TCF25: variants seen among roughly 807,000 people sequenced by gnomAD.
The protein encoded by TCF25 is TCF25 ribosome quality control complex subunit.
In TCF25, 41 loss-of-function variants were observed where a neutral mutation model predicts 83.1. The ratio of observed to expected loss-of-function variants is 0.49; its 90% CI spans 0.38 to 0.64. The LOEUF (loss-of-function observed/expected upper bound fraction) is 0.64, where lower values mean the gene tolerates loss of function less well. Among genes scored for constraint, TCF25 ranks in the 30% least tolerant of loss-of-function variants. The pLI is 0.00. For synonymous variants in TCF25, 458 were observed against 365.0 expected, an observed-to-expected ratio of 1.25 and a Z score of -2.90; for missense variants, 979 against 914.5, an observed-to-expected ratio of 1.07 and a Z score of -0.91.
intron 1 of TCF25, chr16:89,878,652 G>GT (rs1422457136): frequency 7.4e-6 from 8 of 1,087,270 alleles, no homozygotes; most frequent in Middle Eastern, 2.6e-4. Flanking sequence ...GTTTTGTTTT[G>GT]TTTTTTGAGA....
At chr16:89,894,216 C>G (rs142721339) in intron 7 of TCF25, among the ~76,000 whole-genome samples, 1 of 152,098 alleles carries the variant, frequency 6.6e-6, no homozygotes, top group Non-Finnish European at 1.5e-5. Context: ...TTCCCGGCCC[C>G]CGTGCAGCCC....
chr16:89,878,462 A>G (rs2042358601), intron 1 of TCF25: 2 of 1,178,468 alleles, frequency 1.7e-6, no homozygotes, highest in Non-Finnish European at 2.2e-6. Flanking sequence ...TTTTTTTAGG[A>G]AAAATGGACA....
At chr16:89,897,544 T>G (rs2043957978) in intron 9 of TCF25, among the ~76,000 whole-genome samples, 1 of 152,254 alleles carries the variant, frequency 6.6e-6, no homozygotes, top group Non-Finnish European at 1.5e-5. Flanking sequence ...GGTCTGAATT[T>G]CCTCCACTGG....
At chr16:89,908,234 G>T (rs200306572) in intron 16 of TCF25, among the ~76,000 whole-genome samples, 1 of 60,640 alleles carries the variant, frequency 1.6e-5, no homozygotes, top group Non-Finnish European at 3.1e-5. Flanking sequence ...CCTCCTCTCA[G>T]TTCCCACCTC....
At chr16:89,911,042 C>T (rs2045511483) in intron 17 of TCF25, 38 bp from the exon 18 acceptor site, 1 of 1,606,484 alleles carries the variant, frequency 6.2e-7, no homozygotes, top group Non-Finnish European at 8.5e-7. Context: ...AGTCCCAGCA[C>T]AGACAGCCCC....
At chr16:89,898,211 G>A (rs2044017662) in intron 9 of TCF25, among the ~76,000 whole-genome samples, 1 of 152,238 alleles carries the variant, frequency 6.6e-6, no homozygotes, top group Admixed American at 6.5e-5. Flanking sequence ...TCCAGACATG[G>A]ATCTCTGTGT....
intron 14 of TCF25, 63 bp downstream of exon 14, chr16:89,905,159 C>T (rs2044673351): frequency 1.8e-5 from 26 of 1,478,890 alleles, no homozygotes; most frequent in South Asian, 2.8e-5. Flanking sequence ...ATCCCAGACA[C>T]GGGGGCCTCG....
rs2045265654 is a variant in TCF25 at position 89,908,695 on chromosome 16, G to GCAGTTCCCA, written c.1799+1374_1799+1375insAGTTCCCAC. 3.2e-3 allele frequency among the ~76,000 whole-genome samples: 15 copies of GCAGTTCCCA among 4,760 alleles called. 1 individual carries two copies. The highest frequency in any genetic ancestry group is 8.0e-3 in the Admixed American group (3 of 374). The allele number at this position is 4,760 out of a possible 152,430, so 3.1% of individuals were successfully genotyped here. On this transcript the variant is annotated intron_variant, in intron 16 of 17. Transcript: ENST00000263346. ...TCCCTCCTCCCAGCTCCCACCTCCC[G>GCAGTTCCCA]CCTCCCAGCTCCCACCTCCCGGCTC...
chr16:89,900,860 C>T (rs951177884), intron 12 of TCF25, 66 bp downstream of exon 12: 4 of 1,436,442 alleles, frequency 2.8e-6, no homozygotes, highest in Admixed American at 2.1e-5. Flanking sequence ...GCTGCTCTTC[C>T]TGGTGGTGGA....
intron 9 of TCF25, among the ~76,000 whole-genome samples, chr16:89,897,647 A>G (rs187367442): frequency 6.6e-5 from 10 of 152,374 alleles, no homozygotes; most frequent in African/African-American, 9.6e-5. Flanking sequence ...CGAAAGAGAC[A>G]GTGGGCTGTT....
At chr16:89,900,867 T>C in intron 12 of TCF25, 73 bp downstream of exon 12, 1 of 1,412,300 alleles carries the variant, frequency 7.1e-7, no homozygotes, top group Non-Finnish European at 9.4e-7. Flanking sequence ...TTCCTGGTGG[T>C]GGAGGCCAGG....
At chr16:89,895,219 CAG>C (rs1335643376) in intron 8 of TCF25, 82 bp downstream of exon 8, 6 of 1,248,380 alleles carry the variant, frequency 4.8e-6, no homozygotes, top group East Asian at 2.5e-5. Context: ...TGTAAGATGA[CAG>C]GGGTTGCCAG....
Position 89,898,812 on chromosome 16 carries a change from C to T in TCF25, c.1161C>T (p.Asp387=). Residue 387 remains aspartate, a synonymous_variant, in exon 11 of 18, where the codon GAC becomes GAT. Transcript: ENST00000263346. The part of the protein sequence containing the change: ...EDPLCMLLLI[D]HLALRARNYE... ...CCCTCTGCATGCTGCTGCTCATCGA[C>T]CACCTGGCCTTGCGGGCCCGGAACT... The T allele has an allele frequency of 6.2e-7, 1 of 1,613,952 alleles. No homozygotes were observed. Among genetic ancestry groups the T allele is most frequent in the Non-Finnish European group, 8.5e-7 (1 of 1,180,044 alleles).
chr16:89,880,370 G>A (rs2042519314), intron 1 of TCF25, among the ~76,000 whole-genome samples: 1 of 152,220 alleles, frequency 6.6e-6, no homozygotes, highest in Non-Finnish European at 1.5e-5. Context: ...GATCACCTGA[G>A]GTCAGGAGTT....
intron 1 of TCF25, among the ~76,000 whole-genome samples, chr16:89,875,820 C>CTTTTTTTTTTTTTTTTT (rs1164528945): frequency 4.6e-5 from 3 of 64,862 alleles, no homozygotes; most frequent in Non-Finnish European, 6.2e-5. Flanking sequence ...CTGCGCCTGG[C>CTTTTTTTTTTTTTTTTT]TTTTTTTTTT....
intron 1 of TCF25, among the ~76,000 whole-genome samples, chr16:89,879,452 C>T (rs1362289045): frequency 3.2e-5 from 4 of 124,628 alleles, no homozygotes; most frequent in African/African-American, 9.4e-5. Flanking sequence ...ACGTGTTGTC[C>T]GTGTACACAG....
chr16:89,880,763 G>C (rs564120124), intron 1 of TCF25, among the ~76,000 whole-genome samples: 2 of 152,154 alleles, frequency 1.3e-5, no homozygotes, highest in African/African-American at 4.8e-5. Context: ...TTCACTAAGA[G>C]ACATCATCAT....
intron 7 of TCF25, 86 bp from the exon 8 acceptor site, chr16:89,894,952 G>C: frequency 7.9e-7 from 1 of 1,266,894 alleles, no homozygotes; most frequent in Non-Finnish European, 1.1e-6. Context: ...GCCTCCGCTG[G>C]TTTTAAATGT....
At chr16:89,875,129 T>G (rs2143877050) in intron 1 of TCF25, among the ~76,000 whole-genome samples, 1 of 152,238 alleles carries the variant, frequency 6.6e-6, no homozygotes, top group South Asian at 2.1e-4. Flanking sequence ...CCTCTCAGAG[T>G]GTTGGCATTA....
Sources: allele counts gnomAD v4.1 joint callset (sites outside exome capture counted in the v4.1 genomes callset), GRCh38; gene constraint gnomAD v4.1.1; transcripts MANE v1.5; gene names NCBI Gene and HGNC (gene_info 2026-07-23, HGNC 2026-07-21).